TBC1D5: variants seen among roughly 807,000 people sequenced by gnomAD.
TBC1D5 encodes the protein TBC1 domain family member 5.
TBC1D5 carries 75 observed loss-of-function variants against 100.3 expected under a neutral mutation model. The observed-to-expected ratio is 0.75, with a 90% CI of 0.62 to 0.91. TBC1D5 has a LOEUF of 0.91. Ranked by LOEUF, TBC1D5 falls within the 40% of genes least tolerant of loss-of-function variation. TBC1D5 has a pLI of 0.00. For missense variants in TBC1D5, 910 were observed against 942.4 expected, an observed-to-expected ratio of 0.97 and a Z score of 0.45; for synonymous variants, 323 against 325.6, an observed-to-expected ratio of 0.99 and a Z score of 0.09.
intron 17 of TBC1D5, among the ~76,000 whole-genome samples, chr3:17,223,955 T>C (rs898626182): frequency 1.1e-4 from 16 of 151,928 alleles, no homozygotes; most frequent in African/African-American, 3.9e-4. Context: ...AAAAAGACTA[T>C]GCCAATATAT....
intron 4 of TBC1D5, 63 bp from the exon 5 acceptor site, chr3:17,406,589 T>C (rs2093776533): frequency 6.9e-7 from 1 of 1,455,054 alleles, no homozygotes; most frequent in African/African-American, 1.4e-5. Context: ...TGGAGAGAAG[T>C]TCTACGGGAA....
chr3:17,602,561 ATTTTT>A (rs33956978), intron 2 of TBC1D5, among the ~76,000 whole-genome samples: 6 of 74,518 alleles, frequency 8.1e-5, no homozygotes, highest in African/African-American at 2.3e-4. Flanking sequence ...AGAGAATCAG[ATTTTT>A]TTTTTTTTTT....
chr3:17,415,832 C>T (rs1575790679), intron 4 of TBC1D5, among the ~76,000 whole-genome samples: 1 of 152,116 alleles, frequency 6.6e-6, no homozygotes, highest in Non-Finnish European at 1.5e-5. Context: ...TCCCTGCAGA[C>T]CTTTCCTACC....
intron 2 of TBC1D5, among the ~76,000 whole-genome samples, chr3:17,574,137 T>C (rs952086013): frequency 2.6e-5 from 4 of 152,054 alleles, no homozygotes; most frequent in Non-Finnish European, 5.9e-5. Flanking sequence ...CCCAGAACTT[T>C]GCTGGGAATC....
intron 3 of TBC1D5, among the ~76,000 whole-genome samples, chr3:17,494,126 ATTTG>A (rs2095672815): frequency 6.6e-6 from 1 of 151,912 alleles, no homozygotes; most frequent in African/African-American, 2.4e-5. Flanking sequence ...CGTTGATGCT[ATTTG>A]TTTTTCTTTT....
intron 13 of TBC1D5, among the ~76,000 whole-genome samples, chr3:17,349,465 G>T (rs1292582672): frequency 6.6e-6 from 1 of 152,088 alleles, no homozygotes; most frequent in Non-Finnish European, 1.5e-5. Flanking sequence ...TTAAATATCT[G>T]GGCTTTCATT....
intron 13 of TBC1D5, among the ~76,000 whole-genome samples, chr3:17,335,578 T>C (rs1357667145): frequency 6.6e-6 from 1 of 152,164 alleles, no homozygotes; most frequent in Non-Finnish European, 1.5e-5. Context: ...AAAAGTATCA[T>C]TAATACCGAC....
At chr3:17,479,544 C>A (rs2095476866) in intron 3 of TBC1D5, among the ~76,000 whole-genome samples, 1 of 152,116 alleles carries the variant, frequency 6.6e-6, no homozygotes, top group Non-Finnish European at 1.5e-5. Flanking sequence ...CATGTTTGAA[C>A]TTTAAAAATC....
chr3:17,488,003 T>G (rs552823916), intron 3 of TBC1D5, among the ~76,000 whole-genome samples: 1 of 152,308 alleles, frequency 6.6e-6, no homozygotes, highest in South Asian at 2.1e-4. Context: ...CTCCATAGTT[T>G]TACATTAAGC....
At chr3:17,491,167 G>C (rs923682333) in intron 3 of TBC1D5, among the ~76,000 whole-genome samples, 1 of 152,074 alleles carries the variant, frequency 6.6e-6, no homozygotes, top group African/African-American at 2.4e-5. Flanking sequence ...TTTGTATCCC[G>C]AGACTTTGCT....
chr3:17,676,713 C>T (rs2068686113), intron 1 of TBC1D5, among the ~76,000 whole-genome samples: 1 of 152,022 alleles, frequency 6.6e-6, no homozygotes, highest in Non-Finnish European at 1.5e-5. Context: ...AAGCAAAAAG[C>T]ACAAAGCTGG....
intron 14 of TBC1D5, 25 bp from the exon 15 acceptor site, chr3:17,292,026 A>G (rs754915947): frequency 3.8e-6 from 6 of 1,569,874 alleles, no homozygotes; most frequent in Non-Finnish European, 5.3e-6. Flanking sequence ...AAAATAATTC[A>G]GATGCAATAC....
At chr3:17,644,927 T>TCAAAACAAAA (rs529583323) in intron 1 of TBC1D5, among the ~76,000 whole-genome samples, 1 of 151,964 alleles carries the variant, frequency 6.6e-6, no homozygotes, top group Non-Finnish European at 1.5e-5. Flanking sequence ...TTTAATTTAT[T>TCAAAACAAAA]CAAAACAAAA....
intron 3 of TBC1D5, among the ~76,000 whole-genome samples, chr3:17,488,462 CG>C (rs2095597969): frequency 1.3e-5 from 2 of 152,246 alleles, no homozygotes; most frequent in South Asian, 2.1e-4. Context: ...TCTGTATAGA[CG>C]TAAGTTTTCA....
rs1469540061 is a variant in TBC1D5 at position 17,731,592 on chromosome 3, C to T, written c.-101+7751G>A. 2.0e-5 allele frequency among the ~76,000 whole-genome samples: 3 copies of T among 151,400 alleles called. No individual in the cohort carries two copies. In the East Asian group the frequency reaches 5.8e-4, roughly 29 times the overall value. Reference sequence around the variant, plus strand: ...GTTTTAAGCCACAGAATAAGAGAATCGTGAGAGCTTAAAAAGATTACCTAC... The same window carrying T: ...GTTTTAAGCCACAGAATAAGAGAATTGTGAGAGCTTAAAAAGATTACCTAC... On this transcript the variant is annotated intron_variant, in intron 1 of 21. Transcript: ENST00000253692.
At chr3:17,697,794 C>T (rs1350299772) in intron 1 of TBC1D5, among the ~76,000 whole-genome samples, 2 of 151,700 alleles carry the variant, frequency 1.3e-5, no homozygotes, top group Admixed American at 6.6e-5. Context: ...ACCCGCGTTG[C>T]CAAGACAATC....
chr3:17,676,695 A>T (rs1468800580), intron 1 of TBC1D5, among the ~76,000 whole-genome samples: 3 of 152,166 alleles, frequency 2.0e-5, no homozygotes, highest in Non-Finnish European at 4.4e-5. Flanking sequence ...CATTGCCAAG[A>T]CAATCCTAAG....
rs189692948 is a variant in TBC1D5, at chr3:17,405,956, A to G, written c.276+462T>C. Among the ~76,000 whole-genome samples the G allele has an allele frequency of 3.5e-3, 534 of 152,198 alleles. 4 individuals are homozygous for G. The highest frequency in any genetic ancestry group is 0.012 in the African/African-American group (506 of 41,574). ...TTTTCCTCTAAAGGAGAGTGATCCA[A>G]TTTCCTTCCACTTCTTGCCACCCCT... is the stretch of plus-strand genomic sequence containing the variant. On this transcript the variant is annotated intron_variant, in intron 5 of 21. Coordinates refer to ENST00000253692, the Ensembl canonical transcript of TBC1D5.
At chr3:17,455,681 T>C (rs938358067) in intron 3 of TBC1D5, among the ~76,000 whole-genome samples, 1 of 151,528 alleles carries the variant, frequency 6.6e-6, no homozygotes, top group Admixed American at 6.6e-5. Context: ...CTATAAAAAT[T>C]ACAAAAAAAT....
Sources: gnomAD v4.1 joint callset for allele counts (sites outside exome capture counted in the v4.1 genomes callset) on GRCh38, gnomAD v4.1.1 for gene constraint, MANE v1.5 for transcripts, NCBI Gene and HGNC (gene_info 2026-07-23, HGNC 2026-07-21) for gene names.